EYA4: variants seen among roughly 807,000 people sequenced by gnomAD.
EYA4 encodes protein phosphatase EYA4.
In EYA4, 31 loss-of-function variants were observed where a neutral mutation model predicts 87.9. The observed-to-expected ratio is 0.35, with a 90% CI of 0.27 to 0.48. The LOEUF is 0.48. Among genes scored for constraint, EYA4 ranks in the 20% least tolerant of loss-of-function variants. The pLI, the probability that EYA4 is intolerant of heterozygous loss-of-function variation, is 0.99. For synonymous variants in EYA4, 263 were observed against 270.6 expected, an observed-to-expected ratio of 0.97 and a Z score of 0.28; for missense variants, 678 against 761.4, an observed-to-expected ratio of 0.89 and a Z score of 1.29.
chr6:133,413,565 T>G (rs1216078603), intron 3 of EYA4, among the ~76,000 whole-genome samples: 1 of 152,130 alleles, frequency 6.6e-6, no homozygotes, highest in African/African-American at 2.4e-5. Flanking sequence ...ATCTTTTGAT[T>G]CTCTTTTTTT....
At chr6:133,318,632 T>A (rs113336465) in intron 2 of EYA4, among the ~76,000 whole-genome samples, 8 of 148,760 alleles carry the variant, frequency 5.4e-5, no homozygotes, top group African/African-American at 4.9e-5. Flanking sequence ...TTTTTTTTTT[T>A]TAATCATCCA....
At chr6:133,256,907 AATGT>A (rs1406862981) in intron 1 of EYA4, among the ~76,000 whole-genome samples, 5 of 152,112 alleles carry the variant, frequency 3.3e-5, no homozygotes, top group Non-Finnish European at 7.4e-5. Flanking sequence ...CAGAATAGCT[AATGT>A]ATTCCTCTTG....
chr6:133,348,176 A>C (rs1188235416), intron 2 of EYA4, among the ~76,000 whole-genome samples: 1 of 151,822 alleles, frequency 6.6e-6, no homozygotes, highest in Non-Finnish European at 1.5e-5. Flanking sequence ...ATTCTTGCTT[A>C]AACATAAATT....
At chr6:133,522,118 T>TAA (rs1223038397) in intron 17 of EYA4, among the ~76,000 whole-genome samples, 1 of 82,746 alleles carries the variant, frequency 1.2e-5, no homozygotes, top group Non-Finnish European at 2.6e-5. Flanking sequence ...AGTATAATAA[T>TAA]AAAAAAAAAA....
chr6:133,309,701 G>A (rs1780071442), intron 2 of EYA4, among the ~76,000 whole-genome samples: 1 of 152,172 alleles, frequency 6.6e-6, no homozygotes, highest in Admixed American at 6.5e-5. Context: ...TTTGAAACCA[G>A]ATCTCTTTTT....
In EYA4 at chr6:133,444,287, A is replaced by T. The variant is rs532313375; in HGVS notation, c.84-2343A>T. ...ATCATTTTCCAATTCCTTTCTTTAT[A>T]TTTGCTGATAGTCTTCATCTTGAGG... On this transcript the variant is annotated intron_variant, in intron 3 of 19. Coordinates refer to ENST00000355286, the MANE Select transcript of EYA4 (RefSeq NM_004100.5). 4.6e-4 allele frequency among the ~76,000 whole-genome samples: 70 copies of T among 151,888 alleles called. No individual in the cohort carries two copies. The South Asian group carries it at 6.7e-3, about 14-fold the overall frequency.
chr6:133,295,006 A>G (rs950760161), intron 2 of EYA4, among the ~76,000 whole-genome samples: 1 of 152,234 alleles, frequency 6.6e-6, no homozygotes, highest in African/African-American at 2.4e-5. Context: ...CTAAATTGCT[A>G]GACTCTGAAT....
At chr6:133,445,340 A>G (rs926087409) in intron 3 of EYA4, among the ~76,000 whole-genome samples, 20 of 152,246 alleles carry the variant, frequency 1.3e-4, no homozygotes, top group Non-Finnish European at 2.8e-4. Context: ...ATAATCTTTT[A>G]TATTTACCTA....
chr6:133,491,654 A>G (rs1797164321), intron 13 of EYA4, among the ~76,000 whole-genome samples: 1 of 152,134 alleles, frequency 6.6e-6, no homozygotes, highest in Admixed American at 6.5e-5. Flanking sequence ...AAGCTGCAAT[A>G]AAAAGTACCC....
intron 2 of EYA4, among the ~76,000 whole-genome samples, chr6:133,285,677 A>G (rs1025261228): frequency 1.3e-5 from 2 of 152,224 alleles, no homozygotes; most frequent in African/African-American, 4.8e-5. Context: ...GACTATGATG[A>G]CAAGAGCAGA....
intron 1 of EYA4, among the ~76,000 whole-genome samples, chr6:133,258,894 G>T (rs747114473): frequency 2.6e-5 from 4 of 152,020 alleles, no homozygotes; most frequent in Non-Finnish European, 4.4e-5. Context: ...CAACAAACAA[G>T]CAAACAGAAC....
chr6:133,481,044 G>GGTGGA (rs1583409557), intron 11 of EYA4, among the ~76,000 whole-genome samples: 2 of 151,992 alleles, frequency 1.3e-5, no homozygotes, highest in African/African-American at 2.4e-5. Flanking sequence ...GAAGATGAGA[G>GGTGGA]AGGGTTTGAC....
At chr6:133,468,185 T>C (rs1795012645) in intron 10 of EYA4, among the ~76,000 whole-genome samples, 1 of 152,086 alleles carries the variant, frequency 6.6e-6, no homozygotes, top group African/African-American at 2.4e-5. Flanking sequence ...CTGGTGATGT[T>C]AGAAGATGTG....
At chr6:133,526,658 C>G (rs1226813851) in intron 19 of EYA4, among the ~76,000 whole-genome samples, 1 of 152,158 alleles carries the variant, frequency 6.6e-6, no homozygotes, top group South Asian at 2.1e-4. Flanking sequence ...GCCCCAAGCA[C>G]GTCCTGTATG....
At chr6:133,498,394 TTC>T (rs1797816408) in intron 13 of EYA4, among the ~76,000 whole-genome samples, 1 of 152,178 alleles carries the variant, frequency 6.6e-6, no homozygotes, top group Admixed American at 6.5e-5. Context: ...AGTAATTTGA[TTC>T]TGAGGGTTAA....
At chr6:133,292,806 T>C (rs1341124869) in intron 2 of EYA4, among the ~76,000 whole-genome samples, 1 of 152,232 alleles carries the variant, frequency 6.6e-6, no homozygotes, top group Admixed American at 6.5e-5. Context: ...ATTTTTGTCC[T>C]TTTCCTGAAT....
At chr6:133,257,545 T>G (rs536053665) in intron 1 of EYA4, among the ~76,000 whole-genome samples, 1 of 152,336 alleles carries the variant, frequency 6.6e-6, no homozygotes, top group Non-Finnish European at 1.5e-5. Context: ...GAAAATGTAT[T>G]ATACAAACTA....
At chr6:133,515,158 A>G (rs1386953101) in intron 16 of EYA4, among the ~76,000 whole-genome samples, 163 bp from the exon 17 acceptor site, 1 of 152,234 alleles carries the variant, frequency 6.6e-6, no homozygotes, top group Non-Finnish European at 1.5e-5. Flanking sequence ...ATGGATATTC[A>G]ATTCAGAAAC....
In EYA4 at chr6:133,512,874, A is replaced by T; in HGVS notation, c.1341-4A>T. 1 of 1,614,040 alleles carries T rather than the reference A, an allele frequency of 6.2e-7. No individual in the cohort carries two copies. The highest frequency in any genetic ancestry group is 8.5e-7 in the Non-Finnish European group (1 of 1,179,916). ...TTCTTTTTAATGTATTTTGGGTGTT[A>T]CAGTACCTACAGTTTTGCAACTGAT... On this transcript the variant is annotated splice_region_variant and splice_polypyrimidine_tract_variant and intron_variant, in intron 15 of 19. Transcript: ENST00000355286.
Sources: gnomAD v4.1 joint callset for allele counts (sites outside exome capture counted in the v4.1 genomes callset) on GRCh38, gnomAD v4.1.1 for gene constraint, MANE v1.5 for transcripts, NCBI Gene and HGNC (gene_info 2026-07-23, HGNC 2026-07-21) for gene names.